UBQLN1: variants seen among roughly 807,000 people sequenced by gnomAD.
The protein encoded by UBQLN1 is ubiquilin 1.
UBQLN1 carries 13 observed loss-of-function variants against 65.4 expected under a neutral mutation model. That is an observed-to-expected ratio of 0.20 (90% CI 0.13 to 0.32). The LOEUF (loss-of-function observed/expected upper bound fraction) is 0.32. Among genes scored for constraint, UBQLN1 ranks in the 10% least tolerant of loss-of-function variants. UBQLN1 has a pLI of 1.00. For synonymous variants in UBQLN1, 267 were observed against 247.8 expected (o/e 1.08, Z -0.73); for missense variants, 561 against 724.0 (o/e 0.77, Z 2.58).
At chr9:83,690,148 C>T (rs1832102717) in intron 1 of UBQLN1, among the ~76,000 whole-genome samples, 1 of 152,142 alleles carries the variant, frequency 6.6e-6, no homozygotes. Context: ...AAAATACAAT[C>T]AACATTTGAA....
At chr9:83,673,503 C>T in intron 6 of UBQLN1, among the ~76,000 whole-genome samples, 1 of 137,848 alleles carries the variant, frequency 7.3e-6, no homozygotes, top group East Asian at 2.2e-4. Flanking sequence ...CGTGATCATG[C>T]TACTGCACTC....
At chr9:83,694,502 A>C (rs1294832869) in intron 1 of UBQLN1, among the ~76,000 whole-genome samples, 1 of 152,196 alleles carries the variant, frequency 6.6e-6, no homozygotes, top group Admixed American at 6.5e-5. Flanking sequence ...CAAGGATGCC[A>C]AGTATGAGAA....
Position 83,677,749 on chromosome 9 carries a change from T to C in UBQLN1, c.1083A>G (p.Pro361=). ...SGTSGQSTTA[P]NLVPGVGASM... ...TACCTCCTACTCCAGGCACCAAATTTGGCGCAGTAGTACTCTGCCCAGAAG... is the reference window on the plus strand; with the variant it reads ...TACCTCCTACTCCAGGCACCAAATTCGGCGCAGTAGTACTCTGCCCAGAAG... The change falls in exon 6 of 11, where the codon CCA becomes CCG. Residue 361 remains proline (P), a synonymous_variant. Transcript: ENST00000376395. 6.2e-7 allele frequency: 1 copy of C among 1,612,488 alleles called. No individual in the cohort carries two copies. Among genetic ancestry groups the C allele is most frequent in the Non-Finnish European group, 8.5e-7 (1 of 1,178,884 alleles).
intron 1 of UBQLN1, among the ~76,000 whole-genome samples, chr9:83,696,042 C>T (rs1250884241): frequency 2.0e-5 from 3 of 152,032 alleles, no homozygotes; most frequent in African/African-American, 7.2e-5. Flanking sequence ...CGGATTCAAG[C>T]GATTCTCCTG....
chr9:83,669,043 A>T, intron 7 of UBQLN1, 142 bp downstream of exon 7: 1 of 980,262 alleles, frequency 1.0e-6, no homozygotes, highest in South Asian at 2.1e-5. Flanking sequence ...CACACGGTCT[A>T]AAAAATTGGA....
intron 3 of UBQLN1, among the ~76,000 whole-genome samples, chr9:83,682,486 A>AAAAC (rs35957755): frequency 4.0e-5 from 6 of 150,962 alleles, no homozygotes; most frequent in Admixed American, 2.0e-4. Context: ...CTCTCTTAAA[A>AAAAC]AAACAAACAA....
chr9:83,703,736 T>C (rs978789940), intron 1 of UBQLN1, among the ~76,000 whole-genome samples: 1 of 152,172 alleles, frequency 6.6e-6, no homozygotes, highest in Non-Finnish European at 1.5e-5. Flanking sequence ...AATAATAAAT[T>C]TCACTCTAAA....
intron 1 of UBQLN1, among the ~76,000 whole-genome samples, chr9:83,694,766 A>T (rs1172990500): frequency 6.6e-6 from 1 of 152,190 alleles, no homozygotes; most frequent in East Asian, 1.9e-4. Context: ...AATATAAGTA[A>T]ATCATATAAA....
intron 1 of UBQLN1, among the ~76,000 whole-genome samples, chr9:83,687,553 G>A (rs1398431809): frequency 1.3e-5 from 2 of 152,104 alleles, no homozygotes; most frequent in South Asian, 2.1e-4. Flanking sequence ...AAATATATAG[G>A]GGCATTCTTC....
intron 7 of UBQLN1, chr9:83,668,081 G>T: frequency 1.0e-6 from 1 of 985,262 alleles, no homozygotes; most frequent in Non-Finnish European, 1.2e-6. Flanking sequence ...GTAAATTGAA[G>T]CATTTAATAC....
chr9:83,669,776 A>G (rs1327478432), intron 6 of UBQLN1, among the ~76,000 whole-genome samples: 1 of 152,220 alleles, frequency 6.6e-6, no homozygotes, highest in Non-Finnish European at 1.5e-5. Context: ...AAAAGATGTA[A>G]TGCCTCCACC....
At chr9:83,671,807 G>T (rs868576869) in intron 6 of UBQLN1, among the ~76,000 whole-genome samples, 5 of 152,144 alleles carry the variant, frequency 3.3e-5, no homozygotes, top group Admixed American at 6.6e-5. Flanking sequence ...CCAACAGTCA[G>T]CCTTTCCTTT....
rs150990424 is a variant in UBQLN1 at position 83,674,409 on chromosome 9, G to A, written c.1105+3318C>T. ...TACTCCCCACTCACAGAAAAGCAAT[G>A]GTCAGAAGAAATATAAACTTTAGAA... On this transcript the variant is annotated intron_variant, in intron 6 of 10. Transcript: ENST00000376395. 1.2e-4 allele frequency among the ~76,000 whole-genome samples: 18 copies of A among 152,036 alleles called. No homozygotes were observed. The East Asian group carries it at 3.3e-3, about 28-fold the overall frequency.
intron 1 of UBQLN1, among the ~76,000 whole-genome samples, chr9:83,688,095 C>T (rs527355325): frequency 7.2e-5 from 11 of 151,970 alleles, no homozygotes; most frequent in African/African-American, 2.4e-4. Flanking sequence ...AGTACCTATC[C>T]GAAATAGTAA....
At chr9:83,686,238 C>T (rs958268569) in intron 1 of UBQLN1, 83 bp from the exon 2 acceptor site, 7 of 889,754 alleles carry the variant, frequency 7.9e-6, no homozygotes, top group African/African-American at 7.1e-5. Context: ...CTCATAGAGG[C>T]CCCTACTACA....
intron 6 of UBQLN1, among the ~76,000 whole-genome samples, chr9:83,673,281 G>A (rs1303603581): frequency 6.6e-6 from 1 of 151,140 alleles, no homozygotes; most frequent in African/African-American, 2.4e-5. Flanking sequence ...ACTTACACCT[G>A]TAATCCTAGC....
chr9:83,671,515 C>T (rs1201462879), intron 6 of UBQLN1, among the ~76,000 whole-genome samples: 1 of 152,092 alleles, frequency 6.6e-6, no homozygotes, highest in Non-Finnish European at 1.5e-5. Flanking sequence ...AATCTCCTTG[C>T]ACATCTCCAT....
intron 1 of UBQLN1, among the ~76,000 whole-genome samples, chr9:83,705,343 C>T (rs372621536): frequency 2.7e-5 from 4 of 150,530 alleles, no homozygotes; most frequent in African/African-American, 7.3e-5. Context: ...CAGGTTCAAG[C>T]GATGATTCTC....
intron 6 of UBQLN1, among the ~76,000 whole-genome samples, chr9:83,675,048 C>G (rs1205114309): frequency 6.6e-6 from 1 of 152,184 alleles, no homozygotes; most frequent in African/African-American, 2.4e-5. Flanking sequence ...ACATTTGGAT[C>G]TATCATGTTA....
Sources: allele counts gnomAD v4.1 joint callset (sites outside exome capture counted in the v4.1 genomes callset), GRCh38; gene constraint gnomAD v4.1.1; transcripts MANE v1.5; gene names NCBI Gene and HGNC (gene_info 2026-07-23, HGNC 2026-07-21).